PCDHGA4: variants seen among roughly 807,000 people sequenced by gnomAD.
The protein encoded by PCDHGA4 is protocadherin gamma subfamily A, 4, also known as protocadherin gamma-A4.
Under a neutral mutation model 54.6 loss-of-function variants are expected in PCDHGA4, and 38 were observed. The ratio of observed to expected loss-of-function variants is 0.70; its 90% CI spans 0.54 to 0.91. The LOEUF (loss-of-function observed/expected upper bound fraction) is 0.91. Among genes scored for constraint, PCDHGA4 ranks in the 40% least tolerant of loss-of-function variants. PCDHGA4 has a pLI of 0.00. For synonymous variants in PCDHGA4, 511 were observed against 512.9 expected (o/e 1.00, Z 0.05); for missense variants, 1,298 against 1,220.9 (o/e 1.06, Z -0.94).
intron 1 of PCDHGA4, chr5:141,413,082 A>G: frequency 7.4e-7 from 1 of 1,344,446 alleles, no homozygotes; most frequent in African/African-American, 1.5e-5. Context: ...CCCAGGCTAC[A>G]GAGACACCCT....
chr5:141,432,305 G>T lies in PCDHGA4; in HGVS notation c.2515-62502G>T. 1 of 1,614,254 alleles carries T rather than the reference G, an allele frequency of 6.2e-7. No individual in the cohort carries two copies. Among genetic ancestry groups the T allele is most frequent in the African/African-American group, 1.3e-5 (1 of 75,072 alleles). ...CAACTCCGACACTGGGGTACTGTAT[G>T]CGCTGAGCTCCTTCGACTACGAGCA... On this transcript the variant is annotated intron_variant, in intron 1 of 3. Transcript: ENST00000571252. This position sits in a 1 kb window ranked among gnomAD's most constrained non-coding sequence, Gnocchi z 6.0.
intron 1 of PCDHGA4, chr5:141,361,653 C>G (rs757588144): frequency 6.2e-7 from 1 of 1,613,770 alleles, no homozygotes; most frequent in Non-Finnish European, 8.5e-7. Flanking sequence ...CCTACGTGTC[C>G]GTGAGCGCGC....
Position 141,489,968 on chromosome 5 carries a change from A to G in PCDHGA4, c.2515-4839A>G. 6.2e-7 allele frequency: 1 copy of G among 1,614,146 alleles called. No homozygotes were observed. The highest frequency in any genetic ancestry group is 2.2e-5 in the East Asian group (1 of 44,880). On this transcript the variant is annotated intron_variant, in intron 1 of 3. Coordinates refer to ENST00000571252, the MANE Select transcript of PCDHGA4 (RefSeq NM_018917.4). This position sits in a 1 kb window ranked among gnomAD's most constrained non-coding sequence, Gnocchi z 4.5. Reference sequence around the variant, plus strand: ...ATCAATGATAATGCTCCAACCTTCCAATCCTCAGTTCTACGTGTGGGAATC... The same window carrying G: ...ATCAATGATAATGCTCCAACCTTCCGATCCTCAGTTCTACGTGTGGGAATC...
chr5:141,358,677 G>T (rs1034495603), intron 1 of PCDHGA4, among the ~76,000 whole-genome samples: 2 of 152,088 alleles, frequency 1.3e-5, no homozygotes, highest in Non-Finnish European at 1.5e-5. Context: ...TTTTTAAATT[G>T]CTTATCATGA....
At chr5:141,406,312 C>G (rs2094792276) in intron 1 of PCDHGA4, among the ~76,000 whole-genome samples, 1 of 152,028 alleles carries the variant, frequency 6.6e-6, no homozygotes, top group African/African-American at 2.4e-5. Context: ...CCACCTCACC[C>G]AGCAAATTCT....
chr5:141,376,631 G>A (rs1250313764), intron 1 of PCDHGA4: 5 of 1,182,416 alleles, frequency 4.2e-6, no homozygotes, highest in East Asian at 2.7e-5. Context: ...AGGAAGATTC[G>A]TGATTTTGTA....
chr5:141,459,581 G>A (rs945690319), intron 1 of PCDHGA4, among the ~76,000 whole-genome samples: 1 of 152,138 alleles, frequency 6.6e-6, no homozygotes, highest in Non-Finnish European at 1.5e-5. Flanking sequence ...AATTGTTTTG[G>A]GGGTCATATG....
rs2099391747 is a variant in PCDHGA4 at position 141,476,440 on chromosome 5, G to A, written c.2515-18367G>A. Reference sequence around the variant, plus strand: ...CACTGCCCTCTTGCACTGTAACTCTGGAGTTGGTAGTGGAGAACCCGCTGG... The same window carrying A: ...CACTGCCCTCTTGCACTGTAACTCTAGAGTTGGTAGTGGAGAACCCGCTGG... On this transcript the variant is annotated intron_variant, in intron 1 of 3. Transcript: ENST00000571252. The surrounding 1 kb of genome is among the most constrained non-coding windows in gnomAD (Gnocchi z 7.6). 1.2e-6 allele frequency: 2 copies of A among 1,613,998 alleles called. No individual in the cohort carries two copies. Among genetic ancestry groups the A allele is most frequent in the African/African-American group, 2.7e-5 (2 of 74,902 alleles).
At chr5:141,372,318 C>T (rs1768657000) in intron 1 of PCDHGA4, 2 of 1,613,632 alleles carry the variant, frequency 1.2e-6, no homozygotes, top group Non-Finnish European at 1.7e-6. Context: ...CCGCCAGCGC[C>T]TGCTGGTCAC....
At position 141,487,385 on chromosome 5, in the gene PCDHGA4, CGAA is replaced by C; in HGVS notation, c.2515-7420_2515-7418del. 6.2e-7 allele frequency: 1 copy of C among 1,614,160 alleles called. No individual in the cohort carries two copies. The highest frequency in any genetic ancestry group is 8.5e-7 in the Non-Finnish European group (1 of 1,180,046). On this transcript the variant is annotated intron_variant, in intron 1 of 3. Coordinates refer to ENST00000571252, the MANE Select transcript of PCDHGA4 (RefSeq NM_018917.4). The surrounding 1 kb of genome is among the most constrained non-coding windows in gnomAD (Gnocchi z 5.0). ...CACCTGTGCCTGTCTCACCAGATCTCGAAGGAGGGAGGGGCTTCCCCCTTCCAA... is the reference window on the plus strand; with the variant it reads ...CACCTGTGCCTGTCTCACCAGATCTCGGAGGGAGGGGCTTCCCCCTTCCAA...
chr5:141,399,195 G>A (rs773731727), intron 1 of PCDHGA4: 5 of 1,613,852 alleles, frequency 3.1e-6, no homozygotes, highest in Non-Finnish European at 4.2e-6. Context: ...TGGAAAACGC[G>A]GTGCCTGGAA....
At position 141,365,064 on chromosome 5, in the gene PCDHGA4, C is replaced by T. The variant is rs779776168; in HGVS notation, c.2514+7443C>T. 5 of 1,613,856 alleles carry T rather than the reference C, an allele frequency of 3.1e-6. No homozygotes were observed. The Middle Eastern group carries it at 6.6e-4, about 213-fold the overall frequency. ...GACAATGCGCCCCTGTTCACCCCAT[C>T]CGAGTACAGCGTGAGTGTTCCAGAG... On this transcript the variant is annotated intron_variant, in intron 1 of 3. Coordinates refer to ENST00000571252, the MANE Select transcript of PCDHGA4 (RefSeq NM_018917.4).
intron 1 of PCDHGA4, among the ~76,000 whole-genome samples, chr5:141,472,742 T>C (rs926507203): frequency 2.0e-5 from 3 of 151,762 alleles, no homozygotes; most frequent in Non-Finnish European, 4.4e-5. Flanking sequence ...TCCCAGCACT[T>C]TGGGAGGCGG....
At chr5:141,372,294 G>T (rs536487253) in intron 1 of PCDHGA4, 39 of 1,613,162 alleles carry the variant, frequency 2.4e-5, no homozygotes, top group Non-Finnish European at 2.9e-5. Flanking sequence ...TACCTTGGGC[G>T]ACAGGGAGGC....
chr5:141,418,007 C>G (rs1561770675), intron 1 of PCDHGA4: 1 of 1,613,904 alleles, frequency 6.2e-7, no homozygotes, highest in Non-Finnish European at 8.5e-7. Flanking sequence ...GGTGGGGAAC[C>G]TCGCTAAGGA....
At chr5:141,376,493 C>A in intron 1 of PCDHGA4, 1 of 1,614,130 alleles carries the variant, frequency 6.2e-7, no homozygotes, top group South Asian at 1.1e-5. Flanking sequence ...GAAAGGAGAA[C>A]CCAGGCAACT....
At chr5:141,421,564 G>T (rs2096583836) in intron 1 of PCDHGA4, 2 of 1,613,864 alleles carry the variant, frequency 1.2e-6, no homozygotes, top group Admixed American at 3.3e-5. Flanking sequence ...TCTCGTGGAA[G>T]ACACCTTGAA....
At chr5:141,375,358 G>C in intron 1 of PCDHGA4, 1 of 1,613,810 alleles carries the variant, frequency 6.2e-7, no homozygotes, top group Non-Finnish European at 8.5e-7. Context: ...TGACAGCCAC[G>C]GACAAAGGAA....
chr5:141,427,924 G>T, intron 1 of PCDHGA4: 1 of 1,580,140 alleles, frequency 6.3e-7, no homozygotes, highest in Non-Finnish European at 8.7e-7. Flanking sequence ...ATGAGCCGGC[G>T]CATGTTGGTG....
Sources: allele counts gnomAD v4.1 joint callset (sites outside exome capture counted in the v4.1 genomes callset), GRCh38; gene constraint gnomAD v4.1.1; non-coding constraint Gnocchi (gnomAD v3.1); transcripts MANE v1.5; gene names NCBI Gene and HGNC (gene_info 2026-07-23, HGNC 2026-07-21).